The following RGS3 variants were observed in gnomAD, a reference collection of about 807,000 sequenced individuals.
The protein encoded by RGS3 is regulator of G protein signaling 3.
Under a neutral mutation model 132.6 loss-of-function variants are expected in RGS3, and 80 were observed. The observed-to-expected ratio is 0.60, with a 90% CI of 0.50 to 0.73. The LOEUF is 0.73. Ranked by LOEUF, RGS3 falls within the 30% of genes least tolerant of loss-of-function variation. RGS3 has a pLI of 0.00. For missense variants in RGS3, 1,382 were observed against 1,530.8 expected (o/e 0.90, Z 1.62); for synonymous variants, 598 against 620.6 (o/e 0.96, Z 0.54).
At chr9:113,448,795 A>C (rs1829175014) in intron 1 of RGS3, among the ~76,000 whole-genome samples, 1 of 152,226 alleles carries the variant, frequency 6.6e-6, no homozygotes, top group Admixed American at 6.5e-5. Flanking sequence ...GTGTACTTAT[A>C]ATCCAGCAGT....
chr9:113,544,712 C>T (rs1833038815), intron 19 of RGS3, among the ~76,000 whole-genome samples: 1 of 152,234 alleles, frequency 6.6e-6, no homozygotes, highest in Non-Finnish European at 1.5e-5. Flanking sequence ...ATGAAAGACA[C>T]CAAGGCTCTG....
In RGS3 at chr9:113,565,335, A is replaced by C. The variant is rs1210199672; in HGVS notation, c.2038-18115A>C. The C allele has an allele frequency of 7.8e-7, 1 of 1,289,722 alleles. No homozygotes were observed. The allele number at this position is 1,289,722 out of a possible 1,614,324, so 79.9% of individuals were successfully genotyped here. On this transcript the variant is annotated intron_variant, in intron 19 of 24. Transcript: ENST00000350696. The surrounding 1 kb of genome is among the most constrained non-coding windows in gnomAD (Gnocchi z 5.7). ...GAAGAAAGAAATCCAGCCTCTCTCC[A>C]GAGTGGCGGTGGCCGGCTAGACAGG...
At position 113,537,108 on chromosome 9, in the gene RGS3, T is replaced by TGG. The variant is rs1832713578; in HGVS notation, c.2037+192_2037+193dup. ...TTGGCATGTCATTGGGTCTGCTGAGTGGGTCTGACAGTGCTCGTGTAGAGC... is the reference window on the plus strand; with the variant it reads ...TTGGCATGTCATTGGGTCTGCTGAGTGGGGGTCTGACAGTGCTCGTGTAGAGC... On this transcript the variant is annotated intron_variant, in intron 19 of 24. Transcript: ENST00000350696. This position sits in a 1 kb window ranked among gnomAD's most constrained non-coding sequence, Gnocchi z 4.3. Among the ~76,000 whole-genome samples the TGG allele has an allele frequency of 1.3e-5, 2 of 152,300 alleles. No homozygotes were observed. Among genetic ancestry groups the TGG allele is most frequent in the South Asian group, 4.1e-4 (2 of 4,832 alleles).
At chr9:113,581,433 CTG>C (rs1402922983) in intron 19 of RGS3, 1 of 152,250 alleles carries the variant, frequency 6.6e-6, no homozygotes, top group Non-Finnish European at 1.5e-5. Flanking sequence ...AACACTGACT[CTG>C]GTGTTTGGCA....
At chr9:113,592,376 G>A (rs1835482543) in intron 21 of RGS3, 1 of 152,332 alleles carries the variant, frequency 6.6e-6, no homozygotes, top group African/African-American at 2.4e-5. Flanking sequence ...TGTGGTGCTG[G>A]AAGTGGGAGG....
At chr9:113,466,525 C>T (rs116637254) in intron 3 of RGS3, among the ~76,000 whole-genome samples, 18 of 152,274 alleles carry the variant, frequency 1.2e-4, no homozygotes, top group African/African-American at 3.9e-4. Context: ...AAGGACACTG[C>T]GTTCTGAGGA....
chr9:113,467,365 G>T (rs1225565185), intron 3 of RGS3, among the ~76,000 whole-genome samples: 2 of 152,040 alleles, frequency 1.3e-5, no homozygotes, highest in East Asian at 3.9e-4. Context: ...TATGGGTTTT[G>T]GTTTTTCCAC....
At chr9:113,459,388 T>C (rs2119154970), upstream of RGS3, among the ~76,000 whole-genome samples, 1 of 152,366 alleles carries the variant, frequency 6.6e-6, no homozygotes, top group Non-Finnish European at 1.5e-5. Flanking sequence ...TAATACTTTC[T>C]AGAAAATCAT....
chr9:113,482,055 A>C (rs1022288629), intron 4 of RGS3, among the ~76,000 whole-genome samples: 7 of 151,710 alleles, frequency 4.6e-5, no homozygotes, highest in Admixed American at 4.6e-4. Flanking sequence ...TCAAAAAAAA[A>C]AAAAACAAAA....
At chr9:113,585,088 G>A (rs1564612164) in intron 20 of RGS3, among the ~76,000 whole-genome samples, 1 of 152,206 alleles carries the variant, frequency 6.6e-6, no homozygotes, top group Non-Finnish European at 1.5e-5. Flanking sequence ...TTCCTGCTGT[G>A]TACCAGGCCC....
intron 18 of RGS3, chr9:113,536,552 T>C (rs1832684055): frequency 7.7e-7 from 1 of 1,298,676 alleles, no homozygotes; most frequent in Non-Finnish European, 9.9e-7. Flanking sequence ...TGGGAGCCAC[T>C]GCCTTCCTCC....
At chr9:113,445,922 G>A (rs1374112910) in intron 1 of RGS3, among the ~76,000 whole-genome samples, 1 of 152,070 alleles carries the variant, frequency 6.6e-6, no homozygotes, top group African/African-American at 2.4e-5. Flanking sequence ...CAAGTAATCC[G>A]CCCACCTTGA....
At chr9:113,564,341 G>A (rs1219409055) in intron 19 of RGS3, among the ~76,000 whole-genome samples, 1 of 152,204 alleles carries the variant, frequency 6.6e-6, no homozygotes, top group Non-Finnish European at 1.5e-5. Flanking sequence ...GTGAATTAAT[G>A]CAGGCAGAGC....
intron 1 of RGS3, among the ~76,000 whole-genome samples, chr9:113,452,931 A>G (rs1588126056): frequency 7.3e-6 from 1 of 137,178 alleles, no homozygotes; most frequent in Non-Finnish European, 1.5e-5. Flanking sequence ...TATATAATAT[A>G]TAAATAAAAT....
At chr9:113,445,327 A>T (rs969199559) in intron 1 of RGS3, among the ~76,000 whole-genome samples, 1 of 151,434 alleles carries the variant, frequency 6.6e-6, no homozygotes. Flanking sequence ...CCTCCCATGT[A>T]GCTGGGAATT....
chr9:113,543,077 G>A (rs1341298048), intron 19 of RGS3, among the ~76,000 whole-genome samples: 1 of 152,230 alleles, frequency 6.6e-6, no homozygotes, highest in Non-Finnish European at 1.5e-5. Flanking sequence ...TAGAGGGAGG[G>A]AAGCCCAAGG....
chr9:113,466,969 C>T (rs896650784), intron 3 of RGS3, among the ~76,000 whole-genome samples: 4 of 151,842 alleles, frequency 2.6e-5, no homozygotes, highest in Admixed American at 6.6e-5. Flanking sequence ...TAAATGGAAT[C>T]GTATTTTTTT....
chr9:113,479,443 A>T (rs751459810), intron 3 of RGS3, 48 bp from the exon 2 acceptor site: 4 of 1,588,722 alleles, frequency 2.5e-6, no homozygotes, highest in Non-Finnish European at 2.6e-6. Flanking sequence ...TTTCCACCAC[A>T]CCCACCAGGG....
At chr9:113,454,683 C>CTTTT (rs772993021) in intron 1 of RGS3, among the ~76,000 whole-genome samples, 3 of 121,280 alleles carry the variant, frequency 2.5e-5, no homozygotes, top group African/African-American at 6.1e-5. Context: ...TGCTTTTAAA[C>CTTTT]TTTTTTTTTT....
Sources: allele counts gnomAD v4.1 joint callset (sites outside exome capture counted in the v4.1 genomes callset), GRCh38; gene constraint gnomAD v4.1.1; non-coding constraint Gnocchi (gnomAD v3.1); transcripts MANE v1.5; gene names NCBI Gene and HGNC (gene_info 2026-07-23, HGNC 2026-07-21).